Variants in GAS7 observed in about 807,000 individuals in gnomAD.
GAS7 encodes growth arrest specific 7.
GAS7 carries 28 observed loss-of-function variants against 71.1 expected under a neutral mutation model. That is an observed-to-expected ratio of 0.39 (90% confidence interval 0.29 to 0.54). GAS7 has a LOEUF of 0.54. GAS7 is among the 20% of genes least tolerant of loss of function. GAS7 has a pLI of 0.62. For synonymous variants in GAS7, 258 were observed against 245.8 expected, an observed-to-expected ratio of 1.05 and a Z score of -0.46; for missense variants, 436 against 627.8, an observed-to-expected ratio of 0.69 and a Z score of 3.27.
At chr17:9,993,780 C>T (rs2070933868) in intron 2 of GAS7, among the ~76,000 whole-genome samples, 1 of 150,810 alleles carries the variant, frequency 6.6e-6, no homozygotes, top group Non-Finnish European at 1.5e-5. Flanking sequence ...TCTAGAAAAC[C>T]CCATTGTCTC....
intron 1 of GAS7, among the ~76,000 whole-genome samples, chr17:10,022,544 G>T (rs908779719): frequency 6.6e-6 from 1 of 152,168 alleles, no homozygotes; most frequent in Non-Finnish European, 1.5e-5. Context: ...TGCCTGGACC[G>T]CTTGACAGCC....
intron 1 of GAS7, among the ~76,000 whole-genome samples, chr17:10,113,839 G>A (rs2073836182): frequency 1.3e-5 from 2 of 152,150 alleles, no homozygotes; most frequent in Admixed American, 6.6e-5. Flanking sequence ...TATCAGACCT[G>A]AGCATATATT....
At chr17:10,162,139 G>A (rs1327789634) in intron 1 of GAS7, among the ~76,000 whole-genome samples, 1 of 151,502 alleles carries the variant, frequency 6.6e-6, no homozygotes, top group Non-Finnish European at 1.5e-5. Context: ...CCAGTCTGAA[G>A]GTGCTAATAT....
chr17:9,926,237 C>T lies in GAS7; in HGVS notation c.1014+404G>A, dbSNP rs1484911122. On this transcript the variant is annotated intron_variant, in intron 10 of 13. Transcript: ENST00000432992. This position sits in a 1 kb window ranked among gnomAD's most constrained non-coding sequence, Gnocchi z 5.0. Reference sequence around the variant, plus strand: ...GGTGAGACCACCCAGGACTCAGCCTCATCCCTGAGCAGGAAGGAGAGCAGG... The same window carrying T: ...GGTGAGACCACCCAGGACTCAGCCTTATCCCTGAGCAGGAAGGAGAGCAGG... 2.6e-5 allele frequency among the ~76,000 whole-genome samples: 4 copies of T among 152,316 alleles called. No individual in the cohort carries two copies.
intron 1 of GAS7, among the ~76,000 whole-genome samples, chr17:10,113,280 T>A (rs2073831252): frequency 6.6e-6 from 1 of 152,206 alleles, no homozygotes; most frequent in Non-Finnish European, 1.5e-5. Context: ...ATCTGGCCCT[T>A]TCTGTCAAAA....
At chr17:10,170,960 CA>C (rs1376485028) in intron 1 of GAS7, among the ~76,000 whole-genome samples, 1 of 152,150 alleles carries the variant, frequency 6.6e-6, no homozygotes, top group Admixed American at 6.6e-5. Flanking sequence ...GTGGCTGAGC[CA>C]GCGAACCACT....
chr17:10,156,497 A>G (rs1219147332), intron 1 of GAS7, among the ~76,000 whole-genome samples: 1 of 152,216 alleles, frequency 6.6e-6, no homozygotes, highest in East Asian at 1.9e-4. Flanking sequence ...AAAGCTCTAG[A>G]AACATCTCTG....
At chr17:10,138,575 C>A (rs2074057713) in intron 1 of GAS7, among the ~76,000 whole-genome samples, 1 of 151,872 alleles carries the variant, frequency 6.6e-6, no homozygotes, top group African/African-American at 2.4e-5. Flanking sequence ...CCAGCCTGAC[C>A]AACATGGTGA....
At chr17:10,024,129 T>C (rs1360088176) in intron 1 of GAS7, among the ~76,000 whole-genome samples, 1 of 151,914 alleles carries the variant, frequency 6.6e-6, no homozygotes, top group Non-Finnish European at 1.5e-5. Context: ...GTTTCAAAAA[T>C]AAAGAAAAAA....
At chr17:10,148,638 G>A (rs1280303143) in intron 1 of GAS7, among the ~76,000 whole-genome samples, 19 of 149,550 alleles carry the variant, frequency 1.3e-4, no homozygotes, top group Non-Finnish European at 2.4e-4. Context: ...AAGGCCAGGC[G>A]CGGTGGCTCA....
chr17:10,165,291 C>CAAAAAAAAAAAAAAAAA (rs71365731), intron 1 of GAS7, among the ~76,000 whole-genome samples: 2 of 77,638 alleles, frequency 2.6e-5, no homozygotes, highest in East Asian at 3.4e-4. Flanking sequence ...GATTCCTTCT[C>CAAAAAAAAAAAAAAAAA]AAAAAAAAAA....
Position 10,045,658 on chromosome 17 carries a change from T to C in GAS7, c.184-25761A>G, listed in dbSNP as rs555968102. Among the ~76,000 whole-genome samples, 25 of 152,068 alleles carry C rather than the reference T, an allele frequency of 1.6e-4. No individual in the cohort carries two copies. The East Asian group carries it at 4.4e-3, about 27-fold the overall frequency. On this transcript the variant is annotated intron_variant, in intron 1 of 13. Transcript: ENST00000432992. ...ATTGCAGTGAGCTGAGATCGCGCCA[T>C]TGCACTCCAGCCTAGGCGACAGAGT...
At chr17:10,048,233 C>T (rs912262190) in intron 1 of GAS7, among the ~76,000 whole-genome samples, 3 of 152,178 alleles carry the variant, frequency 2.0e-5, no homozygotes, top group Non-Finnish European at 4.4e-5. Flanking sequence ...ACCAAGGAGG[C>T]GGAGGTTGCA....
At chr17:10,114,066 C>T (rs78840944) in intron 1 of GAS7, among the ~76,000 whole-genome samples, 14,809 of 152,092 alleles carry the variant, frequency 0.097, 930 homozygotes, top group African/African-American at 0.17. Context: ...AGGCATGCAC[C>T]ACCACGCCTG....
intron 1 of GAS7, among the ~76,000 whole-genome samples, chr17:10,110,591 C>T (rs543966084): frequency 3.3e-5 from 5 of 152,284 alleles, no homozygotes; most frequent in Admixed American, 2.0e-4. Context: ...TAAGCCTCAG[C>T]CTCCCAAGTA....
intron 2 of GAS7, among the ~76,000 whole-genome samples, chr17:10,010,266 C>T (rs1020106032): frequency 6.6e-6 from 1 of 152,086 alleles, no homozygotes; most frequent in Non-Finnish European, 1.5e-5. Flanking sequence ...TCTCCTGCCT[C>T]AGCCTCCCGA....
At chr17:10,033,903 C>T (rs762835687) in intron 1 of GAS7, among the ~76,000 whole-genome samples, 1 of 152,334 alleles carries the variant, frequency 6.6e-6, no homozygotes, top group East Asian at 1.9e-4. Context: ...CTTCTGACTC[C>T]GAGAGATGGT....
At chr17:9,923,401 A>G (rs572857522) in intron 11 of GAS7, among the ~76,000 whole-genome samples, 134 of 152,302 alleles carry the variant, frequency 8.8e-4, no homozygotes, top group Non-Finnish European at 1.7e-3. Context: ...TACAAAGAAC[A>G]AAACTAAAAG....
Position 9,916,179 on chromosome 17 carries a change from C to T in GAS7, c.*1049G>A. Reference sequence around the variant, plus strand: ...CCCAGCCCTGCCATACACAAGAAGACAGAGCCATCTGGGGGATGGCAAAGA... The same window carrying T: ...CCCAGCCCTGCCATACACAAGAAGATAGAGCCATCTGGGGGATGGCAAAGA... On this transcript the variant is annotated 3_prime_UTR_variant, in exon 14 of 14. Transcript: ENST00000432992. 1 of 233,180 alleles carries T rather than the reference C, an allele frequency of 4.3e-6. No homozygotes were observed. The highest frequency in any genetic ancestry group is 8.5e-6 in the Non-Finnish European group (1 of 118,032). The allele number at this position is 233,180 out of a possible 1,614,324, so 14.4% of individuals were successfully genotyped here.
Sources: allele counts gnomAD v4.1 joint callset (sites outside exome capture counted in the v4.1 genomes callset), GRCh38; gene constraint gnomAD v4.1.1; non-coding constraint Gnocchi (gnomAD v3.1); transcripts MANE v1.5; gene names NCBI Gene and HGNC (gene_info 2026-07-23, HGNC 2026-07-21).